Variants in GJA8 observed in about 807,000 individuals in gnomAD.
GJA8 encodes gap junction alpha-8 protein.
Under a neutral mutation model 15.3 loss-of-function variants are expected in GJA8, and 13 were observed. The ratio of observed to expected loss-of-function variants is 0.85; its 90% CI spans 0.55 to 1.35. The LOEUF (loss-of-function observed/expected upper bound fraction) is 1.35, where lower values mean the gene tolerates loss of function less well. Ranked by LOEUF, GJA8 falls within the 40% of genes most tolerant of loss-of-function variation. The pLI, the probability that GJA8 is intolerant of heterozygous loss-of-function variation, is 0.00. For missense variants in GJA8, 607 were observed against 553.3 expected, an observed-to-expected ratio of 1.10 and a Z score of -0.97; for synonymous variants, 304 against 238.7, an observed-to-expected ratio of 1.27 and a Z score of -2.52.
At chr1:147,912,535 T>C (rs1553243590), downstream of GJA8, among the ~76,000 whole-genome samples, 2 of 152,178 alleles carry the variant, frequency 1.3e-5, no homozygotes, top group East Asian at 1.9e-4. Flanking sequence ...TGCATGTCTG[T>C]GGTGGTCTTT....
At chr1:147,903,245 G>A (rs1651672804) in intron 1 of GJA8, among the ~76,000 whole-genome samples, 1 of 152,172 alleles carries the variant, frequency 6.6e-6, no homozygotes, top group African/African-American at 2.4e-5. Flanking sequence ...AGAAATAATA[G>A]TCATAATTAC....
downstream of GJA8, among the ~76,000 whole-genome samples, chr1:147,913,416 CA>C (rs1416124261): frequency 4.6e-5 from 7 of 151,566 alleles, no homozygotes; most frequent in Non-Finnish European, 1.0e-4. Context: ...AATTATGGTA[CA>C]AAAAAAAGAA....
At chr1:147,911,212 C>G (rs782009382), downstream of GJA8, among the ~76,000 whole-genome samples, 1 of 152,160 alleles carries the variant, frequency 6.6e-6, no homozygotes, top group African/African-American at 2.4e-5. Context: ...TTCCCAACCC[C>G]GATCAGCATC....
intron 1 of GJA8, among the ~76,000 whole-genome samples, chr1:147,905,753 A>T (rs1553242212): frequency 6.6e-6 from 1 of 152,218 alleles, no homozygotes; most frequent in East Asian, 1.9e-4. Flanking sequence ...AAGAGTTAAA[A>T]ATAGATACAT....
intron 1 of GJA8, among the ~76,000 whole-genome samples, chr1:147,904,706 G>T (rs1651724322): frequency 6.6e-6 from 1 of 152,132 alleles, no homozygotes. Flanking sequence ...TTAGAAGTCA[G>T]GAAACCAATA....
chr1:147,902,971 TAAG>T (rs1375256869), intron 1 of GJA8, among the ~76,000 whole-genome samples, 110 bp downstream of exon 1: 2 of 152,160 alleles, frequency 1.3e-5, no homozygotes, highest in African/African-American at 2.4e-5. Context: ...AGGTTGCCAA[TAAG>T]ATTCAGTCTT....
rs782621941 is a variant in GJA8 at position 147,908,946 on chromosome 1, G to A, written c.991G>A (p.Val331Met). 5 of 1,608,240 alleles carry A rather than the reference G, an allele frequency of 3.1e-6. No homozygotes were observed. The highest frequency in any genetic ancestry group is 1.1e-5 in the South Asian group (1 of 90,618). Residue 331 changes from valine (V) to methionine (M), a missense_variant, in exon 2 of 2, where the codon GTG becomes ATG. Physicochemically the swap from Val to Met is conservative, Grantham distance 21. Transcript: ENST00000369235. ...CTACGCTCAGGTGGGGGCACAAGAA[G>A]TGGAGGGCGAGGGGCCGCCTGCAGA... Reference protein sequence around the residue: ...PSYAQVGAQEVEGEGPPAEEG... With the variant: ...PSYAQVGAQEMEGEGPPAEEG...
Position 147,903,803 on chromosome 1 carries a change from TAA to T in GJA8, c.-12+943_-12+944del, listed in dbSNP as rs781873068. The stretch of plus-strand genomic sequence containing the variant: ...CAATGTAGTAAATGTTTCACCAAGT[TAA>T]GTGTGTTCAATTTAAAGGCTTGTCT... On this transcript the variant is annotated intron_variant, in intron 1 of 1. Coordinates refer to ENST00000369235, the MANE Select transcript of GJA8 (RefSeq NM_005267.5). Among the ~76,000 whole-genome samples, 3 of 152,318 alleles carry T rather than the reference TAA, an allele frequency of 2.0e-5. No homozygotes were observed. The South Asian group carries it at 6.2e-4, about 32-fold the overall frequency.
At chr1:147,912,827 C>A (rs1553243639), downstream of GJA8, among the ~76,000 whole-genome samples, 1 of 149,328 alleles carries the variant, frequency 6.7e-6, no homozygotes, top group East Asian at 2.0e-4. Flanking sequence ...AATAGATGTA[C>A]TCAAAGTTCA....
In GJA8 at chr1:147,908,981, C is replaced by G. The variant is rs1553242961; in HGVS notation, c.1026C>G (p.Ala342=). The change falls in exon 2 of 2, where the codon GCC becomes GCG. Residue 342 remains alanine (A), a synonymous_variant. Coordinates refer to ENST00000369235, the MANE Select transcript of GJA8 (RefSeq NM_005267.5). ...AGGGGCCGCCTGCAGAGGAGGGAGC[C>G]GAACCCGAGGTGGGAGAGAAGAAGG... ...EGEGPPAEEG[A]EPEVGEKKEE... is the part of the protein sequence containing the mutation. 1 of 1,597,234 alleles carries G rather than the reference C, an allele frequency of 6.3e-7. No homozygotes were observed. Among genetic ancestry groups the G allele is most frequent in the Admixed American group, 1.7e-5 (1 of 57,236 alleles).
chr1:147,911,311 G>A (rs1652139572), downstream of GJA8, among the ~76,000 whole-genome samples: 1 of 152,060 alleles, frequency 6.6e-6, no homozygotes, highest in African/African-American at 2.4e-5. Context: ...TCCAAAGCAG[G>A]CCTTTTCCAA....
chr1:147,910,539 GT>G (rs1652074599), downstream of GJA8, among the ~76,000 whole-genome samples: 1 of 152,204 alleles, frequency 6.6e-6, no homozygotes, highest in Non-Finnish European at 1.5e-5. Context: ...AAGAGAGCAA[GT>G]TGCCAAAACT....
At chr1:147,914,037 TGA>T (rs1652284623), downstream of GJA8, among the ~76,000 whole-genome samples, 1 of 152,174 alleles carries the variant, frequency 6.6e-6, no homozygotes, top group South Asian at 2.1e-4. Flanking sequence ...AAAACTTTTA[TGA>T]AAGACAGTTC....
intron 1 of GJA8, among the ~76,000 whole-genome samples, chr1:147,907,427 A>G (rs1234610548): frequency 1.3e-5 from 2 of 152,150 alleles, no homozygotes; most frequent in Non-Finnish European, 2.9e-5. Flanking sequence ...CTTCAAATAT[A>G]CGATCATTAT....
Position 147,909,107 on chromosome 1 carries a change from A to G in GJA8, c.1152A>G (p.Glu384=). 1 of 1,613,664 alleles carries G rather than the reference A, an allele frequency of 6.2e-7. No individual in the cohort carries two copies. Among genetic ancestry groups the G allele is most frequent in the Non-Finnish European group, 8.5e-7 (1 of 1,179,782 alleles). ...GAGTGGATAAGGAGGGTGAAAAAGA[A>G]GAGCCGCAGTCGGAGAAGGTGTCAA... ...TPGVDKEGEK[E]EPQSEKVSKQ... is the part of the protein sequence containing the mutation. The change falls in exon 2 of 2, where the codon GAA becomes GAG. Residue 384 remains glutamate, a synonymous_variant. Coordinates refer to ENST00000369235, the MANE Select transcript of GJA8 (RefSeq NM_005267.5).
At chr1:147,905,639 T>C (rs1332757311) in intron 1 of GJA8, among the ~76,000 whole-genome samples, 2 of 152,244 alleles carry the variant, frequency 1.3e-5, no homozygotes, top group Admixed American at 6.5e-5. Context: ...AGCTTTATGC[T>C]TGGGCTGCTT....
intron 1 of GJA8, among the ~76,000 whole-genome samples, chr1:147,903,408 G>C (rs1288341577): frequency 6.6e-6 from 1 of 152,184 alleles, no homozygotes; most frequent in Non-Finnish European, 1.5e-5. Flanking sequence ...GCTAGTGGCT[G>C]TTCTAGAAAC....
chr1:147,907,988 G>A lies in GJA8; in HGVS notation c.33G>A (p.Leu11=). Residue 11 remains leucine (L), a synonymous_variant, in exon 2 of 2, where the codon TTG becomes TTA. Coordinates refer to ENST00000369235, the MANE Select transcript of GJA8 (RefSeq NM_005267.5). The stretch of plus-strand genomic sequence containing the variant: ...ACTGGAGTTTCCTGGGGAACATCTT[G>A]GAGGAGGTGAATGAGCACTCCACCG... MGDWSFLGNI[L]EEVNEHSTVI... is the part of the protein sequence containing the mutation. The A allele has an allele frequency of 1.9e-6, 3 of 1,614,040 alleles. No homozygotes were observed. Among genetic ancestry groups the A allele is most frequent in the Non-Finnish European group, 2.5e-6 (3 of 1,179,928 alleles).
Position 147,908,260 on chromosome 1 carries a change from TGGA to T in GJA8, c.310_312del (p.Glu104del), listed in dbSNP as rs782372941. On this transcript the variant is annotated inframe_deletion, in exon 2 of 2. Transcript: ENST00000369235. ...GGGCACGCGGTGCACTACGTCCGCA[TGGA>T]GGAGAAGCGCAAAAGCCGCGAGGCG... 6 of 1,614,052 alleles carry T rather than the reference TGGA, an allele frequency of 3.7e-6. No individual in the cohort carries two copies. The highest frequency in any genetic ancestry group is 5.1e-6 in the Non-Finnish European group (6 of 1,179,986).
Sources: allele counts gnomAD v4.1 joint callset (sites outside exome capture counted in the v4.1 genomes callset), GRCh38; gene constraint gnomAD v4.1.1; transcripts MANE v1.5; gene names NCBI Gene and HGNC (gene_info 2026-07-23, HGNC 2026-07-21).